Variants in ATP8A1 observed in about 807,000 individuals in gnomAD.
The protein encoded by ATP8A1 is phospholipid-transporting ATPase IA.
Under a neutral mutation model 177.7 loss-of-function variants are expected in ATP8A1, and 90 were observed. That is an observed-to-expected ratio of 0.51 (90% CI 0.43 to 0.60). ATP8A1 has a LOEUF of 0.60. ATP8A1 is among the 20% of genes least tolerant of loss of function. The pLI, the probability that ATP8A1 is intolerant of heterozygous loss-of-function variation, is 0.00. For synonymous variants in ATP8A1, 493 were observed against 485.9 expected, an observed-to-expected ratio of 1.01 and a Z score of -0.19; for missense variants, 1,072 against 1,392.8, an observed-to-expected ratio of 0.77 and a Z score of 3.67.
chr4:42,652,954 C>T (rs56084663), intron 1 of ATP8A1, among the ~76,000 whole-genome samples: 5 of 129,422 alleles, frequency 3.9e-5, no homozygotes, highest in African/African-American at 7.6e-5. Context: ...TTCCCCTCAC[C>T]GTTCCTAATT....
At chr4:42,622,705 A>G (rs1295410989) in intron 4 of ATP8A1, among the ~76,000 whole-genome samples, 4 of 152,000 alleles carry the variant, frequency 2.6e-5, no homozygotes, top group Admixed American at 2.0e-4. Context: ...GAAGAAAACA[A>G]CCCCATTAAA....
rs533543752 is a variant in ATP8A1, at chr4:42,564,910, G to A, written c.1340+4251C>T. ...GTGTTATAGGAGGGACCTGGTGGGA[G>A]GTAATTGAATCATGGGGACAGGTCT... On this transcript the variant is annotated intron_variant, in intron 15 of 36. Transcript: ENST00000381668. Among the ~76,000 whole-genome samples, 71 of 152,264 alleles carry A rather than the reference G, an allele frequency of 4.7e-4. 1 individual carries two copies. Among genetic ancestry groups the A allele is most frequent in the Admixed American group, 2.7e-3 (42 of 15,292 alleles).
intron 18 of ATP8A1, 38 bp from the exon 19 acceptor site, chr4:42,549,100 A>G (rs1480764713): frequency 1.3e-6 from 2 of 1,512,120 alleles, no homozygotes; most frequent in Non-Finnish European, 9.1e-7. Flanking sequence ...ATACAGTTGG[A>G]AAAGTCTTAA....
Position 42,414,629 on chromosome 4 carries a change from A to T in ATP8A1, c.3395T>A (p.Leu1132His), listed in dbSNP as rs1713013804. The T allele has an allele frequency of 6.2e-7, 1 of 1,612,948 alleles. No homozygotes were observed. ...YRSESLQQNLLHGYAFSQDEN... is the reference protein window; with the variant it reads ...YRSESLQQNLHHGYAFSQDEN... ...AAATAAGAAACTCAAATACTCACGG[A>T]GCAGATTTTGTTGCAAGGATTCAGA... The change falls in exon 36 of 37, where the codon CTC (leucine) becomes CAC (histidine). Residue 1132 changes from leucine to histidine, a missense_variant and splice_region_variant. Coordinates refer to ENST00000381668, the MANE Select transcript of ATP8A1 (RefSeq NM_006095.2).
chr4:42,419,915 A>G (rs1713680670), intron 35 of ATP8A1, among the ~76,000 whole-genome samples: 1 of 152,064 alleles, frequency 6.6e-6, no homozygotes, highest in Non-Finnish European at 1.5e-5. Context: ...AGGCAGGAGA[A>G]TGGTGTGAAT....
At chr4:42,527,484 C>A (rs918649033) in intron 20 of ATP8A1, among the ~76,000 whole-genome samples, 2 of 152,150 alleles carry the variant, frequency 1.3e-5, no homozygotes, top group African/African-American at 4.8e-5. Context: ...TTGCCATCAG[C>A]CTTTCCACTT....
At chr4:42,514,362 C>A (rs577967988) in intron 22 of ATP8A1, among the ~76,000 whole-genome samples, 2 of 152,068 alleles carry the variant, frequency 1.3e-5, no homozygotes, top group African/African-American at 4.8e-5. Flanking sequence ...AAATCTACCA[C>A]GAAGCATTCA....
intron 33 of ATP8A1, among the ~76,000 whole-genome samples, chr4:42,424,036 T>A (rs1346096198): frequency 1.3e-5 from 2 of 152,128 alleles, no homozygotes; most frequent in Non-Finnish European, 2.9e-5. Flanking sequence ...GACTACTGTA[T>A]AATCAAATTA....
At position 42,459,941 on chromosome 4, in the gene ATP8A1, G is replaced by A. The variant is rs536852365; in HGVS notation, c.2620-4342C>T. Among the ~76,000 whole-genome samples the A allele has an allele frequency of 5.3e-5, 8 of 152,116 alleles. No homozygotes were observed. In the South Asian group the frequency reaches 1.2e-3, roughly 24 times the overall value. On this transcript the variant is annotated intron_variant, in intron 27 of 36. Transcript: ENST00000381668. ...CAAGTAGCTGGGACTACAGGCGCCT[G>A]CCACCACGCCTGGCTAATTTTTTGT...
At chr4:42,570,971 A>T (rs1009954554) in intron 14 of ATP8A1, among the ~76,000 whole-genome samples, 2 of 152,208 alleles carry the variant, frequency 1.3e-5, no homozygotes, top group African/African-American at 2.4e-5. Flanking sequence ...TGCCAATTAG[A>T]CTATACACTT....
At chr4:42,611,990 C>T (rs755377911) in intron 5 of ATP8A1, among the ~76,000 whole-genome samples, 4 of 152,050 alleles carry the variant, frequency 2.6e-5, no homozygotes, top group African/African-American at 7.3e-5. Flanking sequence ...GGAAAATGAG[C>T]GCATTCTGAA....
intron 1 of ATP8A1, among the ~76,000 whole-genome samples, chr4:42,635,780 C>CAT (rs1317800276): frequency 3.9e-4 from 17 of 43,466 alleles, no homozygotes; most frequent in East Asian, 2.4e-3. Context: ...CACACACACA[C>CAT]ACATATATAT....
chr4:42,461,994 T>C (rs1719216675), intron 27 of ATP8A1, among the ~76,000 whole-genome samples: 1 of 152,120 alleles, frequency 6.6e-6, no homozygotes, highest in South Asian at 2.1e-4. Context: ...AACTTTGAAC[T>C]TGAGAGAGAT....
At chr4:42,476,110 GC>G (rs1721033903) in intron 25 of ATP8A1, among the ~76,000 whole-genome samples, 1 of 152,142 alleles carries the variant, frequency 6.6e-6, no homozygotes, top group African/African-American at 2.4e-5. Context: ...TAGAGTCTAG[GC>G]TCTGGAAAGT....
In ATP8A1 at chr4:42,580,424, G is replaced by A. The variant is rs939969686; in HGVS notation, c.835-446C>T. On this transcript the variant is annotated intron_variant, in intron 10 of 36. Transcript: ENST00000381668. ...GGAAGGCAACATTTAAAGGATCTCC[G>A]GCTTTCAAATTTCTGGTGGCATTTA... Among the ~76,000 whole-genome samples, 18 of 152,242 alleles carry A rather than the reference G, an allele frequency of 1.2e-4. No homozygotes were observed. The Middle Eastern group carries it at 0.014, about 115-fold the overall frequency.
At chr4:42,541,980 T>C (rs540093330) in intron 20 of ATP8A1, among the ~76,000 whole-genome samples, 16 of 152,320 alleles carry the variant, frequency 1.1e-4, no homozygotes, top group African/African-American at 3.4e-4. Context: ...TCCAAACCTA[T>C]AGAATTTACA....
intron 25 of ATP8A1, among the ~76,000 whole-genome samples, chr4:42,479,203 T>C (rs1721400115): frequency 6.6e-6 from 1 of 152,190 alleles, no homozygotes; most frequent in African/African-American, 2.4e-5. Context: ...ACAAATCATC[T>C]AGAGCTGCTT....
chr4:42,625,524 C>T (rs1189729009), intron 3 of ATP8A1, 90 bp downstream of exon 3: 23 of 801,308 alleles, frequency 2.9e-5, no homozygotes, highest in Non-Finnish European at 3.8e-5. Flanking sequence ...GCTTATCTCT[C>T]GGCATTTACA....
intron 1 of ATP8A1, among the ~76,000 whole-genome samples, chr4:42,628,190 G>T (rs1738319612): frequency 6.6e-6 from 1 of 152,124 alleles, no homozygotes; most frequent in Admixed American, 6.5e-5. Flanking sequence ...TTTTTTGGGG[G>T]CAAGAAAAGC....
Sources: allele counts gnomAD v4.1 joint callset (sites outside exome capture counted in the v4.1 genomes callset), GRCh38; gene constraint gnomAD v4.1.1; transcripts MANE v1.5; gene names NCBI Gene and HGNC (gene_info 2026-07-23, HGNC 2026-07-21).